The following ERBB4 variants were observed in gnomAD, a reference collection of about 807,000 sequenced individuals.
ERBB4 encodes the protein receptor tyrosine-protein kinase erbB-4.
ERBB4 carries 42 observed loss-of-function variants against 158.0 expected under a neutral mutation model. The ratio of observed to expected loss-of-function variants is 0.27; its 90% CI spans 0.21 to 0.34. The LOEUF (loss-of-function observed/expected upper bound fraction) is 0.34. Among genes scored for constraint, ERBB4 ranks in the 10% least tolerant of loss-of-function variants. ERBB4 has a pLI of 1.00. For missense variants in ERBB4, 1,333 were observed against 1,624.1 expected (o/e 0.82, Z 3.08); for synonymous variants, 583 against 558.7 (o/e 1.04, Z -0.61).
chr2:211,392,021 T>G (rs1350641338), intron 25 of ERBB4, among the ~76,000 whole-genome samples: 4 of 152,180 alleles, frequency 2.6e-5, no homozygotes, highest in African/African-American at 9.7e-5. Context: ...CAAATTCCTT[T>G]GACTAAAATA....
chr2:212,504,910 T>C (rs2106254207), intron 1 of ERBB4, among the ~76,000 whole-genome samples: 1 of 152,272 alleles, frequency 6.6e-6, no homozygotes, highest in Non-Finnish European at 1.5e-5. Context: ...TACTGTAATA[T>C]TTTAATTAAA....
At chr2:211,500,088 T>C (rs1370334421) in intron 20 of ERBB4, among the ~76,000 whole-genome samples, 1 of 152,112 alleles carries the variant, frequency 6.6e-6, no homozygotes, top group Non-Finnish European at 1.5e-5. Flanking sequence ...CTGATGGAGA[T>C]GAAATGGTCT....
At chr2:211,549,791 A>G (rs1216067700) in intron 20 of ERBB4, among the ~76,000 whole-genome samples, 1 of 152,164 alleles carries the variant, frequency 6.6e-6, no homozygotes. Context: ...GAGAGACTGG[A>G]GGGTTCTGCT....
intron 3 of ERBB4, among the ~76,000 whole-genome samples, chr2:211,896,989 A>T (rs1305091092): frequency 1.3e-5 from 2 of 151,558 alleles, no homozygotes; most frequent in African/African-American, 2.4e-5. Context: ...ATATTAAATT[A>T]AAAATAATGG....
chr2:211,493,426 A>G (rs1368953920), intron 20 of ERBB4, among the ~76,000 whole-genome samples: 1 of 152,106 alleles, frequency 6.6e-6, no homozygotes, highest in Non-Finnish European at 1.5e-5. Flanking sequence ...GGATAAATGT[A>G]CTACTCACAG....
At chr2:211,657,096 T>C (rs933544459) in intron 16 of ERBB4, among the ~76,000 whole-genome samples, 2 of 152,166 alleles carry the variant, frequency 1.3e-5, no homozygotes, top group African/African-American at 4.8e-5. Flanking sequence ...AATTAAATAA[T>C]AAACTTCTGC....
chr2:212,056,624 C>T (rs2077580212), intron 2 of ERBB4, among the ~76,000 whole-genome samples: 1 of 152,170 alleles, frequency 6.6e-6, no homozygotes. Context: ...GACCAATATT[C>T]AACATTCTTA....
chr2:212,109,050 T>A (rs575833798), intron 2 of ERBB4, among the ~76,000 whole-genome samples: 1 of 152,228 alleles, frequency 6.6e-6, no homozygotes, highest in Non-Finnish European at 1.5e-5. Flanking sequence ...CTCTGCAGAA[T>A]GTTGGTAATA....
At chr2:211,485,309 G>GT (rs967741334) in intron 20 of ERBB4, among the ~76,000 whole-genome samples, 2 of 152,170 alleles carry the variant, frequency 1.3e-5, no homozygotes, top group African/African-American at 4.8e-5. Context: ...AAGTCAAGAT[G>GT]TAACAGTCTG....
chr2:212,481,234 A>C (rs1689681693), intron 1 of ERBB4, among the ~76,000 whole-genome samples: 1 of 152,074 alleles, frequency 6.6e-6, no homozygotes, highest in African/African-American at 2.4e-5. Context: ...TTATAGATAT[A>C]TATCTCATAC....
At chr2:211,980,862 G>T (rs1048080945) in intron 2 of ERBB4, among the ~76,000 whole-genome samples, 5 of 151,902 alleles carry the variant, frequency 3.3e-5, no homozygotes, top group Non-Finnish European at 5.9e-5. Context: ...ATTTCATATG[G>T]CCTTCTTAAT....
Position 212,399,545 on chromosome 2 carries a change from C to CATATATATAT in ERBB4, c.82+138894_82+138903dup, listed in dbSNP as rs869111881. ...TCCCCTGATATATATTTTATATATA[C>CATATATATAT]ATATATATATATATATATATATATA... On this transcript the variant is annotated intron_variant, in intron 1 of 27. Transcript: ENST00000342788. Among the ~76,000 whole-genome samples, 220 of 37,918 alleles carry CATATATATAT rather than the reference C, an allele frequency of 5.8e-3. 3 individuals carry two copies. Among genetic ancestry groups the CATATATATAT allele is most frequent in the East Asian group, 0.012 (18 of 1,546 alleles). 24.9% of individuals were successfully genotyped at this position (37,918 alleles called of 152,430 possible). A position where few individuals can be genotyped will look rare whatever the true frequency, so the allele number is the denominator to read the frequency against.
rs765993260 is a variant in ERBB4, at chr2:211,725,072, A to T, written c.741+4T>A. 1.3e-6 allele frequency: 2 copies of T among 1,572,462 alleles called. No homozygotes were observed. The highest frequency in any genetic ancestry group is 1.8e-6 in the Non-Finnish European group (2 of 1,141,812). On this transcript the variant is annotated splice_donor_region_variant and intron_variant, in intron 6 of 27. Transcript: ENST00000342788. ...ATAATAAAAGAGAGAAATCACAGAC[A>T]TACAAAGCAGTCTGTGTCCTTAGGT...
intron 15 of ERBB4, among the ~76,000 whole-genome samples, chr2:211,663,434 G>C (rs1025095834): frequency 2.6e-5 from 4 of 152,096 alleles, no homozygotes; most frequent in Admixed American, 2.0e-4. Context: ...ATTGCTAAAG[G>C]TGTCTTTTTT....
At chr2:212,495,202 G>GT (rs1690493612) in intron 1 of ERBB4, among the ~76,000 whole-genome samples, 1 of 152,006 alleles carries the variant, frequency 6.6e-6, no homozygotes, top group Admixed American at 6.6e-5. Context: ...TGTCAAGATT[G>GT]TTTTTTCCTC....
At chr2:212,140,401 CT>C (rs2080416689) in intron 1 of ERBB4, among the ~76,000 whole-genome samples, 1 of 133,994 alleles carries the variant, frequency 7.5e-6, no homozygotes, top group African/African-American at 3.2e-5. Context: ...ATAGTAATAT[CT>C]ATATATATTT....
intron 19 of ERBB4, among the ~76,000 whole-genome samples, chr2:211,599,883 C>T (rs2068748732): frequency 6.6e-6 from 1 of 152,084 alleles, no homozygotes; most frequent in Non-Finnish European, 1.5e-5. Context: ...TGGGTATTTT[C>T]TTAGACATTT....
At chr2:211,787,880 G>T in intron 4 of ERBB4, 145 bp downstream of exon 4, 1 of 706,606 alleles carries the variant, frequency 1.4e-6, no homozygotes, top group Non-Finnish European at 2.4e-6. Context: ...AGGTTGATCA[G>T]CCATTTGTTC....
chr2:212,242,307 AAT>A (rs2084138648), intron 1 of ERBB4, among the ~76,000 whole-genome samples: 2 of 152,048 alleles, frequency 1.3e-5, no homozygotes, highest in Non-Finnish European at 2.9e-5. Context: ...ATAATTTTAA[AAT>A]ATCTTAGTAA....
Sources: allele counts gnomAD v4.1 joint callset (sites outside exome capture counted in the v4.1 genomes callset), GRCh38; gene constraint gnomAD v4.1.1; transcripts MANE v1.5; gene names NCBI Gene and HGNC (gene_info 2026-07-23, HGNC 2026-07-21).